PLCB1: variants seen among roughly 807,000 people sequenced by gnomAD.
The protein encoded by PLCB1 is 1-phosphatidylinositol 4,5-bisphosphate phosphodiesterase beta-1.
In PLCB1, 46 loss-of-function variants were observed where a neutral mutation model predicts 161.8. That is an observed-to-expected ratio of 0.28 (90% CI 0.22 to 0.36). PLCB1 has a LOEUF of 0.36. Among genes scored for constraint, PLCB1 ranks in the 10% least tolerant of loss-of-function variants. The pLI is 1.00. For missense variants in PLCB1, 1,016 were observed against 1,472.5 expected (o/e 0.69, Z 5.07); for synonymous variants, 517 against 503.7 (o/e 1.03, Z -0.35).
intron 2 of PLCB1, among the ~76,000 whole-genome samples, chr20:8,239,831 G>A (rs1025510646): frequency 1.3e-5 from 2 of 151,962 alleles, no homozygotes; most frequent in African/African-American, 4.8e-5. Flanking sequence ...CTAATGCACT[G>A]TAAAATGGGT....
intron 2 of PLCB1, among the ~76,000 whole-genome samples, chr20:8,318,680 C>T (rs199668203): frequency 1.2e-4 from 19 of 152,030 alleles, no homozygotes; most frequent in African/African-American, 4.3e-4. Flanking sequence ...ATACCCACTC[C>T]TGTGTTTATT....
chr20:8,609,291 TC>T (rs1157288954), intron 3 of PLCB1, among the ~76,000 whole-genome samples: 1 of 152,204 alleles, frequency 6.6e-6, no homozygotes, highest in Non-Finnish European at 1.5e-5. Flanking sequence ...ACTATACATT[TC>T]CCAAAAATAC....
intron 2 of PLCB1, among the ~76,000 whole-genome samples, chr20:8,206,418 A>G (rs1978533014): frequency 6.6e-6 from 1 of 152,190 alleles, no homozygotes; most frequent in African/African-American, 2.4e-5. Flanking sequence ...TGAGACAGGA[A>G]TTATGGGTAA....
chr20:8,478,681 G>A (rs1461099574), intron 3 of PLCB1, among the ~76,000 whole-genome samples: 1 of 152,004 alleles, frequency 6.6e-6, no homozygotes, highest in Non-Finnish European at 1.5e-5. Context: ...TTGAAAACAA[G>A]CATATTTTAA....
intron 27 of PLCB1, among the ~76,000 whole-genome samples, chr20:8,784,511 C>A (rs971555182): frequency 2.0e-5 from 3 of 150,222 alleles, no homozygotes; most frequent in African/African-American, 7.4e-5. Context: ...TGCAGTGAGC[C>A]GAGATTGCAC....
intron 7 of PLCB1, among the ~76,000 whole-genome samples, chr20:8,656,069 G>A (rs565181711): frequency 3.3e-5 from 5 of 152,114 alleles, no homozygotes; most frequent in East Asian, 1.9e-4. Flanking sequence ...GGATTTGACC[G>A]CTTGTGCTTA....
chr20:8,766,971 G>C (rs1000158181), intron 26 of PLCB1, among the ~76,000 whole-genome samples: 14 of 152,116 alleles, frequency 9.2e-5, no homozygotes, highest in Admixed American at 4.6e-4. Context: ...TGGAGAGAAG[G>C]GGATGAATTC....
At chr20:8,830,835 C>T (rs11906587) in intron 31 of PLCB1, among the ~76,000 whole-genome samples, 43,910 of 151,880 alleles carry the variant, frequency 0.29, 6,510 homozygotes, top group Middle Eastern at 0.41. Context: ...GTCCAGAATC[C>T]CTTGATTTTC....
chr20:8,577,116 T>C (rs1416581965), intron 3 of PLCB1, among the ~76,000 whole-genome samples: 5 of 152,102 alleles, frequency 3.3e-5, no homozygotes. Context: ...TTTGTAGACA[T>C]ACAAAAGATA....
chr20:8,407,237 C>T (rs1978823629), intron 3 of PLCB1, among the ~76,000 whole-genome samples: 1 of 152,020 alleles, frequency 6.6e-6, no homozygotes, highest in Non-Finnish European at 1.5e-5. Flanking sequence ...GTGGTTAATG[C>T]ACCCTTGATA....
intron 3 of PLCB1, among the ~76,000 whole-genome samples, chr20:8,410,207 T>C (rs1017555866): frequency 6.6e-6 from 1 of 152,224 alleles, no homozygotes; most frequent in African/African-American, 2.4e-5. Context: ...ATTGACAGTC[T>C]TTTGTATAGT....
intron 2 of PLCB1, among the ~76,000 whole-genome samples, chr20:8,216,668 G>A (rs993022647): frequency 6.6e-6 from 1 of 151,964 alleles, no homozygotes; most frequent in African/African-American, 2.4e-5. Context: ...CCTCAAAAAG[G>A]TCAGAGAAAA....
intron 3 of PLCB1, among the ~76,000 whole-genome samples, chr20:8,565,739 G>A (rs531629648): frequency 5.9e-5 from 9 of 152,086 alleles, no homozygotes; most frequent in African/African-American, 2.2e-4. Flanking sequence ...CTTTAAGGAA[G>A]ATTTTTTTTC....
chr20:8,331,628 A>G (rs1985368271), intron 2 of PLCB1, among the ~76,000 whole-genome samples: 1 of 152,218 alleles, frequency 6.6e-6, no homozygotes, highest in Non-Finnish European at 1.5e-5. Context: ...CTTCACTAAA[A>G]GAGTGGCTTT....
At chr20:8,876,807 G>A (rs1267756523) in intron 31 of PLCB1, among the ~76,000 whole-genome samples, 4 of 152,092 alleles carry the variant, frequency 2.6e-5, no homozygotes, top group Non-Finnish European at 5.9e-5. Context: ...CTCCTCTTCT[G>A]GCAAGCTAGG....
At chr20:8,768,779 T>G (rs1982511304) in intron 26 of PLCB1, among the ~76,000 whole-genome samples, 1 of 152,240 alleles carries the variant, frequency 6.6e-6, no homozygotes, top group East Asian at 1.9e-4. Flanking sequence ...AATCTGCATC[T>G]CTGTAGACCT....
At chr20:8,571,989 G>A (rs1447963443) in intron 3 of PLCB1, among the ~76,000 whole-genome samples, 1 of 151,498 alleles carries the variant, frequency 6.6e-6, no homozygotes, top group African/African-American at 2.4e-5. Context: ...GACTGGTAAT[G>A]GTATTTTTTT....
At chr20:8,451,910 TTATTTCACTCATC>T (rs906020039) in intron 3 of PLCB1, among the ~76,000 whole-genome samples, 15 of 152,092 alleles carry the variant, frequency 9.9e-5, no homozygotes, top group Admixed American at 8.5e-4. Flanking sequence ...CTTTCCTTCT[TTATTTCACTCATC>T]TAAAAAAAAC....
chr20:8,647,286 GT>G (rs1467413217), intron 5 of PLCB1, among the ~76,000 whole-genome samples: 1 of 152,160 alleles, frequency 6.6e-6, no homozygotes, highest in Non-Finnish European at 1.5e-5. Flanking sequence ...TAAATAACAT[GT>G]TTTATCTGAA....
Sources: gnomAD v4.1 joint callset for allele counts (sites outside exome capture counted in the v4.1 genomes callset) on GRCh38, gnomAD v4.1.1 for gene constraint, MANE v1.5 for transcripts, NCBI Gene and HGNC (gene_info 2026-07-23, HGNC 2026-07-21) for gene names.